The following CAP2 variants were observed in gnomAD, a reference collection of about 807,000 sequenced individuals.
CAP2 encodes the protein adenylyl cyclase-associated protein 2.
In CAP2, 24 loss-of-function variants were observed where a neutral mutation model predicts 57.7. The ratio of observed to expected loss-of-function variants is 0.42; its 90% CI spans 0.30 to 0.58. The LOEUF (loss-of-function observed/expected upper bound fraction) is 0.58. Ranked by LOEUF, CAP2 falls within the 20% of genes least tolerant of loss-of-function variation. The pLI, the probability that CAP2 is intolerant of heterozygous loss-of-function variation, is 0.22. For missense variants in CAP2, 501 were observed against 590.3 expected, an observed-to-expected ratio of 0.85 and a Z score of 1.57; for synonymous variants, 194 against 207.2, an observed-to-expected ratio of 0.94 and a Z score of 0.55.
At chr6:17,487,393 C>G (rs1761444464) in intron 4 of CAP2, among the ~76,000 whole-genome samples, 1 of 152,198 alleles carries the variant, frequency 6.6e-6, no homozygotes, top group Non-Finnish European at 1.5e-5. Context: ...TCTCAGAGCT[C>G]CCCAAGAGCA....
At chr6:17,494,152 T>C (rs769749859) in intron 4 of CAP2, among the ~76,000 whole-genome samples, 1 of 152,150 alleles carries the variant, frequency 6.6e-6, no homozygotes, top group Non-Finnish European at 1.5e-5. Flanking sequence ...TACCCTCCAA[T>C]AATCTATTCT....
Position 17,513,920 on chromosome 6 carries a change from A to T in CAP2, c.602A>T (p.Glu201Val). Residue 201 changes from glutamate (E) to valine (V), a missense_variant, in exon 7 of 13, where the codon GAA becomes GTA. By Grantham distance (121) the Glu-to-Val change is moderately radical. Transcript: ENST00000229922. This position sits in a 1 kb window ranked among gnomAD's most constrained non-coding sequence, Gnocchi z 4.3. ...IWSELQAYIK[E>V]HHTTGLTWSK... ...AGTGAACTTCAAGCATACATCAAGG[A>T]ACACCACACCACGGGCCTCACATGG... 6.2e-7 allele frequency: 1 copy of T among 1,613,624 alleles called. No homozygotes were observed. The highest frequency in any genetic ancestry group is 8.5e-7 in the Non-Finnish European group (1 of 1,179,498).
chr6:17,419,402 C>T (rs896091610), intron 1 of CAP2, among the ~76,000 whole-genome samples: 3 of 152,122 alleles, frequency 2.0e-5, no homozygotes, highest in African/African-American at 7.2e-5. Flanking sequence ...ATTCCAGGCA[C>T]TGATTAAGAG....
intron 4 of CAP2, among the ~76,000 whole-genome samples, chr6:17,474,930 C>G (rs115016770): frequency 6.6e-6 from 1 of 152,124 alleles, no homozygotes; most frequent in African/African-American, 2.4e-5. Flanking sequence ...GGCACAGTAA[C>G]TCACACCTGC....
chr6:17,446,987 T>G (rs1467462642), intron 3 of CAP2, among the ~76,000 whole-genome samples: 1 of 152,116 alleles, frequency 6.6e-6, no homozygotes, highest in Non-Finnish European at 1.5e-5. Flanking sequence ...GAGTTAATAT[T>G]GGGTGGACCT....
chr6:17,416,960 TA>T (rs1193594509), intron 1 of CAP2, among the ~76,000 whole-genome samples: 1 of 152,046 alleles, frequency 6.6e-6, no homozygotes, highest in Non-Finnish European at 1.5e-5. Flanking sequence ...TAACCAGATG[TA>T]GTGGCATGCA....
intron 4 of CAP2, among the ~76,000 whole-genome samples, chr6:17,479,415 G>A (rs936545663): frequency 6.6e-6 from 1 of 152,084 alleles, no homozygotes; most frequent in Non-Finnish European, 1.5e-5. Context: ...GAATCTATGG[G>A]ATGTGAAAAC....
chr6:17,531,133 TCAAAG>T, intron 7 of CAP2: 1 of 762,704 alleles, frequency 1.3e-6, no homozygotes, highest in Admixed American at 1.7e-5. Flanking sequence ...GCCTCATCTG[TCAAAG>T]CAATTCGCTT....
intron 7 of CAP2, among the ~76,000 whole-genome samples, chr6:17,515,057 G>A (rs1258163913): frequency 6.6e-6 from 1 of 151,838 alleles, no homozygotes; most frequent in East Asian, 1.9e-4. Flanking sequence ...AAACAGCCGA[G>A]CGTGGTGGTG....
At chr6:17,520,795 A>G (rs1762372675) in intron 7 of CAP2, among the ~76,000 whole-genome samples, 2 of 152,166 alleles carry the variant, frequency 1.3e-5, no homozygotes, top group Non-Finnish European at 2.9e-5. Flanking sequence ...AGGCCTCTTT[A>G]CCTTCCTCTT....
At chr6:17,526,493 G>A (rs1762514293) in intron 7 of CAP2, among the ~76,000 whole-genome samples, 2 of 152,034 alleles carry the variant, frequency 1.3e-5, no homozygotes, top group Admixed American at 6.6e-5. Flanking sequence ...CCCATCAACC[G>A]CCCACACCTC....
Position 17,541,082 on chromosome 6 carries a change from T to A in CAP2, c.936T>A (p.Ser312=). Reference sequence around the variant, plus strand: ...AAAGTCACACTCCAAGTCCCACATCTCCTAAATCTTATCCTTCTCAAAAAC... The same window carrying A: ...AAAGTCACACTCCAAGTCCCACATCACCTAAATCTTATCCTTCTCAAAAAC... ...PTKSHTPSPT[S]PKSYPSQKHA... is the part of the protein sequence containing the mutation. Residue 312 remains serine, a synonymous_variant, in exon 9 of 13, where the codon TCT becomes TCA. Coordinates refer to ENST00000229922, the MANE Select transcript of CAP2 (RefSeq NM_006366.3). 6.2e-7 allele frequency: 1 copy of A among 1,614,054 alleles called. No individual in the cohort carries two copies. Among genetic ancestry groups the A allele is most frequent in the Non-Finnish European group, 8.5e-7 (1 of 1,179,962 alleles).
intron 6 of CAP2, among the ~76,000 whole-genome samples, chr6:17,511,347 T>C (rs1762143153): frequency 6.6e-6 from 1 of 152,008 alleles, no homozygotes; most frequent in African/African-American, 2.4e-5. Context: ...GGTAGAGGAG[T>C]AGAAAGGCAG....
intron 1 of CAP2, among the ~76,000 whole-genome samples, chr6:17,415,421 G>C (rs1265575975): frequency 6.6e-6 from 1 of 152,228 alleles, no homozygotes; most frequent in Non-Finnish European, 1.5e-5. Context: ...CAAGTCATGG[G>C]AGGGAGCCAC....
intron 4 of CAP2, among the ~76,000 whole-genome samples, chr6:17,496,503 T>C (rs968511717): frequency 1.3e-4 from 19 of 151,814 alleles, no homozygotes; most frequent in Admixed American, 4.6e-4. Flanking sequence ...TTCTTTCTTT[T>C]TTTGTAAAGA....
At chr6:17,477,115 C>T (rs1761168715) in intron 4 of CAP2, among the ~76,000 whole-genome samples, 1 of 152,140 alleles carries the variant, frequency 6.6e-6, no homozygotes, top group Admixed American at 6.5e-5. Context: ...AGGTGATCTG[C>T]CCGGCCTTTC....
chr6:17,444,709 G>A (rs1164542613), intron 3 of CAP2, among the ~76,000 whole-genome samples: 1 of 149,318 alleles, frequency 6.7e-6, no homozygotes, highest in East Asian at 2.0e-4. Flanking sequence ...GAAATATTGA[G>A]AAACATAGAC....
chr6:17,428,950 G>A (rs1458598931), intron 3 of CAP2, among the ~76,000 whole-genome samples: 1 of 152,108 alleles, frequency 6.6e-6, no homozygotes, highest in Non-Finnish European at 1.5e-5. Flanking sequence ...CAATGTATTT[G>A]TTTGCCACAT....
rs1470164930 is a variant in CAP2, at chr6:17,513,047, ATATAT to A, written c.531-797_531-793del. ...CCTTGACTTCTATAAGTGAGAAAAA[ATATAT>A]TATAGGTAAAAATTGCCGAAAGGAA... On this transcript the variant is annotated intron_variant, in intron 6 of 12. Transcript: ENST00000229922. The surrounding 1 kb of genome is among the most constrained non-coding windows in gnomAD (Gnocchi z 4.3). Among the ~76,000 whole-genome samples, 5 of 152,218 alleles carry A rather than the reference ATATAT, an allele frequency of 3.3e-5. No individual in the cohort carries two copies. Among genetic ancestry groups the A allele is most frequent in the Non-Finnish European group, 5.9e-5 (4 of 68,036 alleles).
Sources: allele counts gnomAD v4.1 joint callset (sites outside exome capture counted in the v4.1 genomes callset), GRCh38; gene constraint gnomAD v4.1.1; non-coding constraint Gnocchi (gnomAD v3.1); transcripts MANE v1.5; gene names NCBI Gene and HGNC (gene_info 2026-07-23, HGNC 2026-07-21).